Variants in F11 observed in about 807,000 individuals in gnomAD.
F11 encodes coagulation factor XI, also known as coagualtion factor XI.
A neutral mutation model predicts 76.5 loss-of-function variants in F11; 78 were observed. The ratio of observed to expected loss-of-function variants is 1.02; its 90% CI spans 0.85 to 1.23. The LOEUF is 1.23. Among genes scored for constraint, F11 ranks in the 50% most tolerant of loss-of-function variants. The probability of loss-of-function intolerance (pLI) is 0.00; values close to 1 mark genes in which losing one functional copy is unlikely to be tolerated. For synonymous variants in F11, 278 were observed against 276.3 expected, an observed-to-expected ratio of 1.01 and a Z score of -0.06; for missense variants, 742 against 771.4, an observed-to-expected ratio of 0.96 and a Z score of 0.45.
rs766777099 is a variant in F11 at position 186,289,198 on chromosome 4, A to T, written c.*584A>T. Among the ~76,000 whole-genome samples the T allele has an allele frequency of 2.4e-4, 37 of 152,324 alleles. No homozygotes were observed. The highest frequency in any genetic ancestry group is 4.6e-4 in the Non-Finnish European group (31 of 68,030). On this transcript the variant is annotated 3_prime_UTR_variant, in exon 15 of 15. Coordinates refer to ENST00000403665, the MANE Select transcript of F11 (RefSeq NM_000128.4). ...TCAGTTCGAGTAGACACGAGCTAAGAGTGAATGTGAAGATAACAGAATTTC... is the reference window on the plus strand; with the variant it reads ...TCAGTTCGAGTAGACACGAGCTAAGTGTGAATGTGAAGATAACAGAATTTC...
intron 13 of F11, among the ~76,000 whole-genome samples, chr4:186,287,066 C>T (rs1345657392): frequency 2.6e-5 from 4 of 151,866 alleles, no homozygotes; most frequent in African/African-American, 4.8e-5. Context: ...CTCCACCTCC[C>T]GGGTTCAAGT....
chr4:186,273,862 G>A (rs1740166626), intron 4 of F11, among the ~76,000 whole-genome samples: 2 of 152,364 alleles, frequency 1.3e-5, no homozygotes, highest in South Asian at 2.1e-4. Flanking sequence ...AATCAGTGCA[G>A]TTAGGGAGAA....
intron 2 of F11, among the ~76,000 whole-genome samples, chr4:186,269,247 C>T (rs945556507): frequency 1.8e-4 from 28 of 151,908 alleles, no homozygotes; most frequent in African/African-American, 6.8e-4. Context: ...CTTCGGGGTA[C>T]ATACCGAAAA....
rs75242238 is a variant in F11, at chr4:186,282,967, C to T, written c.1136-1125C>T. On this transcript the variant is annotated intron_variant, in intron 10 of 14. Coordinates refer to ENST00000403665, the MANE Select transcript of F11 (RefSeq NM_000128.4). ...AAACTAGTGAATGGACCTTCTAGGA[C>T]CCGGCTTCTCATCAGTGATTCTTCT... 6.5e-4 allele frequency: 637 copies of T among 985,336 alleles called. 3 individuals are homozygous for T. In the African/African-American group the frequency reaches 0.011, roughly 16 times the overall value. The allele number at this position is 985,336 out of a possible 1,614,324, so 61.0% of individuals were successfully genotyped here. A position where few individuals can be genotyped will look rare whatever the true frequency, so the allele number is the denominator to read the frequency against.
chr4:186,287,273 C>T (rs960764568), intron 13 of F11, among the ~76,000 whole-genome samples: 4 of 151,814 alleles, frequency 2.6e-5, no homozygotes, highest in Non-Finnish European at 5.9e-5. Context: ...CACACCCGTC[C>T]ATGATTTTTA....
Position 186,284,146 on chromosome 4 carries a change from G to A in F11, c.1190G>A (p.Gly397Asp). 6.2e-7 allele frequency: 1 copy of A among 1,614,194 alleles called. No homozygotes were observed. ...RIVGGTASVR[G>D]EWPWQVTLHT... ...GTTGGAGGAACTGCGTCTGTTCGTGGTGAGTGGCCGTGGCAGGTGACCCTG... is the reference window on the plus strand; with the variant it reads ...GTTGGAGGAACTGCGTCTGTTCGTGATGAGTGGCCGTGGCAGGTGACCCTG... Residue 397 changes from glycine (G) to aspartate (D), a missense_variant, in exon 11 of 15, where the codon GGT (glycine) becomes GAT (aspartate). By Grantham distance (94) the Gly-to-Asp change is moderately conservative. Transcript: ENST00000403665.
At chr4:186,270,727 T>C (rs963906421) in intron 2 of F11, among the ~76,000 whole-genome samples, 2 of 152,110 alleles carry the variant, frequency 1.3e-5, no homozygotes, top group Non-Finnish European at 2.9e-5. Context: ...TGGGTCTTGC[T>C]CTGTCGCCCA....
At chr4:186,277,700 T>A (rs757032979) in intron 7 of F11, among the ~76,000 whole-genome samples, 2 of 152,214 alleles carry the variant, frequency 1.3e-5, no homozygotes, top group Non-Finnish European at 2.9e-5. Context: ...ATTGAGTCCC[T>A]GTTTCCTTAC....
At chr4:186,290,311 C>A (rs1317499343), downstream of F11, among the ~76,000 whole-genome samples, 7 of 152,038 alleles carry the variant, frequency 4.6e-5, no homozygotes, top group African/African-American at 1.7e-4. Flanking sequence ...GGGGCCAGAT[C>A]AAAAATGCTG....
Position 186,272,508 on chromosome 4 carries a change from C to A in F11, c.219-563C>A, listed in dbSNP as rs1740055305. On this transcript the variant is annotated intron_variant, in intron 3 of 14. Coordinates refer to ENST00000403665, the MANE Select transcript of F11 (RefSeq NM_000128.4). ...CAACCATTTGTATTCCCATCCTGAG[C>A]TTGAAAATTTAATAATAAGCCTTTC... Among the ~76,000 whole-genome samples the A allele has an allele frequency of 2.6e-5, 4 of 152,152 alleles. No homozygotes were observed. The South Asian group carries it at 8.3e-4, about 32-fold the overall frequency.
rs786204724 is a variant in F11 at position 186,285,646 on chromosome 4, C to A, written c.1313C>A (p.Ser438Ter). 3.7e-6 allele frequency: 6 copies of A among 1,613,856 alleles called. No individual in the cohort carries two copies. Among genetic ancestry groups the A allele is most frequent in the Non-Finnish European group, 5.1e-6 (6 of 1,179,854 alleles). ...TAAHCFYGVE[S>*]PKILRVYSGI... is the part of the protein sequence containing the mutation. ...TGTTGTTTGCTCCTTAGGGTAGAGT[C>A]ACCTAAGATTTTGCGTGTCTACAGT... The change falls in exon 12 of 15, where the codon TCA becomes TAA. Residue 438 changes from serine to a stop codon, truncating the protein, a stop_gained. Transcript: ENST00000403665. LOFTEE classifies it high-confidence loss of function.
chr4:186,284,623 A>ATGTGTGTGTG (rs34783500), intron 11 of F11, among the ~76,000 whole-genome samples: 3 of 150,294 alleles, frequency 2.0e-5, no homozygotes, highest in Non-Finnish European at 3.0e-5. Flanking sequence ...AATTTCTAAT[A>ATGTGTGTGTG]TGTGTGTGTG....
Position 186,275,926 on chromosome 4 carries a change from C to A in F11, c.595+30C>A. ...TTATCGACTTCTTGATGATGTAATT[C>A]AACCATTAAATATGCTGATGATTAC... On this transcript the variant is annotated intron_variant, in intron 6 of 14. Coordinates refer to ENST00000403665, the MANE Select transcript of F11 (RefSeq NM_000128.4). The A allele has an allele frequency of 3.3e-6, 5 of 1,510,758 alleles. No individual in the cohort carries two copies. The South Asian group carries it at 5.8e-5, about 17-fold the overall frequency. 93.6% of individuals were successfully genotyped at this position (1,510,758 alleles called of 1,614,324 possible).
At chr4:186,273,767 C>A (rs1740159623) in intron 4 of F11, among the ~76,000 whole-genome samples, 1 of 152,210 alleles carries the variant, frequency 6.6e-6, no homozygotes, top group South Asian at 2.1e-4. Flanking sequence ...ACGTATTAAT[C>A]CAAATTGAAA....
At chr4:186,266,772 AAAAAT>A (rs1739528615) in intron 1 of F11, among the ~76,000 whole-genome samples, 1 of 152,296 alleles carries the variant, frequency 6.6e-6, no homozygotes, top group South Asian at 2.1e-4. Context: ...AAGAAAGGAA[AAAAAT>A]TGGGAAAGGA....
At chr4:186,271,848 C>T in intron 3 of F11, 77 bp downstream of exon 3, 2 of 1,486,280 alleles carry the variant, frequency 1.3e-6, no homozygotes, top group Non-Finnish European at 1.9e-6. Flanking sequence ...TTCCATCTAA[C>T]ATTTTATAAA....
chr4:186,274,066 A>C (rs1248246126), intron 4 of F11, 50 bp from the exon 5 acceptor site: 1 of 1,610,746 alleles, frequency 6.2e-7, no homozygotes, highest in Middle Eastern at 1.7e-4. Flanking sequence ...TGCTTAGGTC[A>C]TTGCCCCTAG....
chr4:186,280,548 G>C lies in F11; in HGVS notation c.1103G>C (p.Gly368Ala), dbSNP rs748926718. ...KILHGRGGISGYTLRLCKMDN... is the reference protein window; with the variant it reads ...KILHGRGGISAYTLRLCKMDN... ...CTTCACGGGAGAGGAGGCATCTCTG[G>C]ATACACATTAAGGTTGTGTAAAATG... Residue 368 changes from glycine to alanine, a missense_variant, in exon 10 of 15, where the codon GGA becomes GCA. Physicochemically the swap from Gly to Ala is moderately conservative, Grantham distance 60. Transcript: ENST00000403665. 4 of 1,613,906 alleles carry C rather than the reference G, an allele frequency of 2.5e-6. No homozygotes were observed. Among genetic ancestry groups the C allele is most frequent in the Non-Finnish European group, 3.4e-6 (4 of 1,179,960 alleles).
intron 13 of F11, 96 bp downstream of exon 13, chr4:186,286,606 C>T: frequency 6.3e-7 from 1 of 1,580,608 alleles, no homozygotes; most frequent in Non-Finnish European, 8.6e-7. Context: ...CAACTCGAGT[C>T]ACACTACTCA....
Sources: allele counts gnomAD v4.1 joint callset (sites outside exome capture counted in the v4.1 genomes callset), GRCh38; gene constraint gnomAD v4.1.1; transcripts MANE v1.5; gene names NCBI Gene and HGNC (gene_info 2026-07-23, HGNC 2026-07-21).